Variants in LRIG1 observed in about 807,000 individuals in gnomAD.
The protein encoded by LRIG1 is leucine-rich repeats and immunoglobulin-like domains protein 1.
A neutral mutation model predicts 99.2 loss-of-function variants in LRIG1; 48 were observed. The ratio of observed to expected loss-of-function variants is 0.48; its 90% CI spans 0.38 to 0.62. The LOEUF (loss-of-function observed/expected upper bound fraction) is 0.62. Ranked by LOEUF, LRIG1 falls within the 20% of genes least tolerant of loss-of-function variation. LRIG1 has a pLI of 0.00. For missense variants in LRIG1, 1,646 were observed against 1,434.4 expected (o/e 1.15, Z -2.38); for synonymous variants, 772 against 596.1 (o/e 1.29, Z -4.30).
At chr3:66,422,660 A>C (rs11712304) in intron 3 of LRIG1, among the ~76,000 whole-genome samples, 5 of 151,954 alleles carry the variant, frequency 3.3e-5, no homozygotes, top group Non-Finnish European at 5.9e-5. Context: ...GAGCCCTCCA[A>C]AGTGCTCCAA....
intron 1 of LRIG1, among the ~76,000 whole-genome samples, chr3:66,469,817 C>G (rs577893043): frequency 2.0e-5 from 3 of 150,684 alleles, no homozygotes; most frequent in East Asian, 3.9e-4. Context: ...GCCTATAAAT[C>G]TCAGCACTTT....
At chr3:66,440,842 C>T (rs188285899) in intron 3 of LRIG1, among the ~76,000 whole-genome samples, 2 of 152,296 alleles carry the variant, frequency 1.3e-5, no homozygotes, top group South Asian at 2.1e-4. Flanking sequence ...CCTGAGAGAA[C>T]CTGCCCAGGT....
In LRIG1 at chr3:66,383,208, T is replaced by A; in HGVS notation, c.2265A>T (p.Ala755=). The A allele has an allele frequency of 6.2e-7, 1 of 1,614,240 alleles. No homozygotes were observed. Among genetic ancestry groups the A allele is most frequent in the Non-Finnish European group, 8.5e-7 (1 of 1,180,052 alleles). ...CACAGGTATATCGGCCCGCATCCTC[T>A]GCCACCACGTTCTGAACCACCAGGA... ...NQLLVVQNVV[A]EDAGRYTCEM... The change falls in exon 15 of 19, where the codon GCA becomes GCT. Residue 755 remains alanine (A), a synonymous_variant. Coordinates refer to ENST00000273261, the MANE Select transcript of LRIG1 (RefSeq NM_015541.3).
intron 14 of LRIG1, 44 bp from the exon 15 acceptor site, chr3:66,383,445 G>T: frequency 6.7e-7 from 1 of 1,489,502 alleles, no homozygotes; most frequent in Non-Finnish European, 9.0e-7. Flanking sequence ...CAGGGCCTCC[G>T]TTGCTCTGGC....
rs536054464 is a variant in LRIG1 at position 66,461,922 on chromosome 3, C to A, written c.290+516G>T. On this transcript the variant is annotated intron_variant, in intron 2 of 18. Transcript: ENST00000273261. ...GCCTCTATAGTCCATCCTTCTATAA[C>A]TTCACTTCCTGGGAAATACACGTTT... Among the ~76,000 whole-genome samples, 8 of 152,290 alleles carry A rather than the reference C, an allele frequency of 5.3e-5. No individual in the cohort carries two copies. In the South Asian group the frequency reaches 1.0e-3, roughly 20 times the overall value.
At chr3:66,404,296 C>T (rs1467811361) in intron 9 of LRIG1, 4 of 1,289,386 alleles carry the variant, frequency 3.1e-6, no homozygotes, top group Non-Finnish European at 4.0e-6. Context: ...TTGACACTCG[C>T]ACTCTGCTGA....
chr3:66,408,964 T>TGGGG (rs1424793540), intron 7 of LRIG1, among the ~76,000 whole-genome samples: 10 of 17,328 alleles, frequency 5.8e-4, no homozygotes, highest in East Asian at 2.2e-3. Context: ...GTGTGTGTGG[T>TGGGG]GGGGGGAGGG....
intron 1 of LRIG1, among the ~76,000 whole-genome samples, chr3:66,494,034 G>A (rs1701173356): frequency 6.6e-6 from 1 of 151,932 alleles, no homozygotes; most frequent in Non-Finnish European, 1.5e-5. Flanking sequence ...AGGGAAGAAG[G>A]AAGGAATCTG....
chr3:66,484,395 G>A (rs187164842), intron 1 of LRIG1, among the ~76,000 whole-genome samples: 13 of 152,268 alleles, frequency 8.5e-5, no homozygotes, highest in Non-Finnish European at 1.8e-4. Context: ...AGACTAATGG[G>A]GTAGTCAGAA....
In LRIG1 at chr3:66,380,880, G is replaced by C. The variant is rs777398634; in HGVS notation, c.2771-19C>G. On this transcript the variant is annotated intron_variant, in intron 17 of 18. Transcript: ENST00000273261. ...CCGTGTTCTGAAGGACAGCGCCAAA[G>C]ATGGGTTAGAGTCACTGCTGTGGGA... 6 of 1,611,416 alleles carry C rather than the reference G, an allele frequency of 3.7e-6. No homozygotes were observed. In the South Asian group the frequency reaches 4.4e-5, roughly 12 times the overall value.
chr3:66,383,033 T>C lies in LRIG1; in HGVS notation c.2440A>G (p.Ile814Val). 6.2e-7 allele frequency: 1 copy of C among 1,614,204 alleles called. No individual in the cohort carries two copies. The highest frequency in any genetic ancestry group is 8.5e-7 in the Non-Finnish European group (1 of 1,180,024). Residue 814 changes from isoleucine (I) to valine (V), a missense_variant, in exon 15 of 19, where the codon ATC becomes GTC. By Grantham distance (29) the Ile-to-Val change is conservative (BLOSUM62 3). Coordinates refer to ENST00000273261, the MANE Select transcript of LRIG1 (RefSeq NM_015541.3). ...IVLTSLVWVC[I>V]IYQTRKKSEE... ...CTCTTCTTCCTGGTCTGGTAGATGATGCACACCCAGACCAGTGACGTCAGG... is the reference window on the plus strand; with the variant it reads ...CTCTTCTTCCTGGTCTGGTAGATGACGCACACCCAGACCAGTGACGTCAGG...
At chr3:66,428,695 C>T (rs1351093981) in intron 3 of LRIG1, among the ~76,000 whole-genome samples, 1 of 152,182 alleles carries the variant, frequency 6.6e-6, no homozygotes, top group Non-Finnish European at 1.5e-5. Context: ...GAAACCATTT[C>T]CCTCTAGCCT....
At chr3:66,382,595 C>T (rs1168784518) in intron 15 of LRIG1, among the ~76,000 whole-genome samples, 197 bp from the exon 16 acceptor site, 3 of 152,200 alleles carry the variant, frequency 2.0e-5, no homozygotes, top group African/African-American at 4.8e-5. Flanking sequence ...GCGTGAAGAG[C>T]GCAGCCAGCA....
chr3:66,397,813 G>A (rs977742460), intron 11 of LRIG1, among the ~76,000 whole-genome samples: 3 of 152,222 alleles, frequency 2.0e-5, no homozygotes, highest in African/African-American at 7.2e-5. Flanking sequence ...ATAGAGGAGA[G>A]TATATTTCAC....
intron 1 of LRIG1, among the ~76,000 whole-genome samples, chr3:66,473,997 T>C (rs946567651): frequency 6.6e-6 from 1 of 152,216 alleles, no homozygotes; most frequent in Admixed American, 6.5e-5. Flanking sequence ...TCATTTTCCC[T>C]GTTTAGAGGC....
Position 66,378,913 on chromosome 3 carries a change from T to C in LRIG1, c.*1350A>G, listed in dbSNP as rs1700857076. 6.6e-6 allele frequency: 1 copy of C among 152,642 alleles called. No individual in the cohort carries two copies. The highest frequency in any genetic ancestry group is 2.1e-4 in the South Asian group (1 of 4,832). The allele number at this position is 152,642 out of a possible 1,614,324, so 9.5% of individuals were successfully genotyped here. On this transcript the variant is annotated 3_prime_UTR_variant, in exon 19 of 19. Transcript: ENST00000273261. Reference sequence around the variant, plus strand: ...CAAAATTTCTATAAATAAATAACTTTGTACATAAAAGTAATACTCCCTCTT... The same window carrying C: ...CAAAATTTCTATAAATAAATAACTTCGTACATAAAAGTAATACTCCCTCTT...
chr3:66,470,445 T>G (rs770421671), intron 1 of LRIG1, among the ~76,000 whole-genome samples: 1 of 152,060 alleles, frequency 6.6e-6, no homozygotes, highest in Non-Finnish European at 1.5e-5. Flanking sequence ...AAATAAGGAA[T>G]GGAGGGCATG....
chr3:66,404,422 C>G (rs887451246), intron 9 of LRIG1: 57 of 1,202,482 alleles, frequency 4.7e-5, no homozygotes, highest in Non-Finnish European at 5.6e-5. Context: ...ACTCTCGTCC[C>G]CTTCCTGCAC....
At chr3:66,472,365 AAACT>A (rs1212155162) in intron 1 of LRIG1, among the ~76,000 whole-genome samples, 20 of 151,832 alleles carry the variant, frequency 1.3e-4, no homozygotes, top group Admixed American at 1.1e-3. Context: ...GGAAAGATGC[AAACT>A]AACAAGGAAA....
Sources: allele counts gnomAD v4.1 joint callset (sites outside exome capture counted in the v4.1 genomes callset), GRCh38; gene constraint gnomAD v4.1.1; transcripts MANE v1.5; gene names NCBI Gene and HGNC (gene_info 2026-07-23, HGNC 2026-07-21).